Variants in KHDRBS2 observed in about 807,000 individuals in gnomAD.
KHDRBS2 encodes KH RNA binding domain containing, signal transduction associated 2.
KHDRBS2 carries 26 observed loss-of-function variants against 44.3 expected under a neutral mutation model. The ratio of observed to expected loss-of-function variants is 0.59; its 90% CI spans 0.43 to 0.81. KHDRBS2 has a LOEUF of 0.81. Among genes scored for constraint, KHDRBS2 ranks in the 40% least tolerant of loss-of-function variants. The pLI, the probability that KHDRBS2 is intolerant of heterozygous loss-of-function variation, is 0.00. For missense variants in KHDRBS2, 476 were observed against 433.1 expected, an observed-to-expected ratio of 1.10 and a Z score of -0.88; for synonymous variants, 194 against 151.1, an observed-to-expected ratio of 1.28 and a Z score of -2.08.
intron 2 of KHDRBS2, among the ~76,000 whole-genome samples, chr6:62,073,530 CTT>C (rs60124030): frequency 1.2e-4 from 15 of 124,410 alleles, no homozygotes; most frequent in African/African-American, 2.7e-4. Flanking sequence ...TTTCTTTTTT[CTT>C]TTTTTTTTTT....
intron 4 of KHDRBS2, among the ~76,000 whole-genome samples, chr6:61,945,107 A>T (rs1331947577): frequency 0.031 from 1,152 of 37,310 alleles, 86 homozygotes; most frequent in African/African-American, 0.069. Context: ...AAAAAAAAAA[A>T]AAAAAGTATA....
At chr6:62,266,796 T>C (rs1238998517) in intron 1 of KHDRBS2, among the ~76,000 whole-genome samples, 1 of 151,992 alleles carries the variant, frequency 6.6e-6, no homozygotes, top group Non-Finnish European at 1.5e-5. Context: ...GCATTTTTTC[T>C]CCTTATTTTT....
chr6:62,070,227 C>T (rs761559307), intron 2 of KHDRBS2, among the ~76,000 whole-genome samples: 5 of 151,292 alleles, frequency 3.3e-5, no homozygotes, highest in Admixed American at 6.6e-5. Context: ...AAGACTTACA[C>T]GTATATTAAT....
At chr6:61,943,004 A>AAG (rs60408267) in intron 4 of KHDRBS2, among the ~76,000 whole-genome samples, 6 of 142,996 alleles carry the variant, frequency 4.2e-5, no homozygotes, top group Middle Eastern at 3.6e-3. Flanking sequence ...GAAAGAAAGA[A>AAG]AGAGAGAGAG....
chr6:62,024,595 CTT>C (rs1562666303), intron 3 of KHDRBS2, among the ~76,000 whole-genome samples: 3 of 151,460 alleles, frequency 2.0e-5, no homozygotes, highest in Admixed American at 6.6e-5. Context: ...ATTTTATTGA[CTT>C]ATCAAACTTT....
At chr6:62,109,256 C>G (rs1562884136) in intron 2 of KHDRBS2, among the ~76,000 whole-genome samples, 1 of 151,958 alleles carries the variant, frequency 6.6e-6, no homozygotes, top group African/African-American at 2.4e-5. Flanking sequence ...CTGATCATCT[C>G]AAGATGCTGA....
chr6:61,777,821 T>TTTTATTTA (rs538627755), intron 6 of KHDRBS2, among the ~76,000 whole-genome samples: 1 of 152,042 alleles, frequency 6.6e-6, no homozygotes, highest in Non-Finnish European at 1.5e-5. Flanking sequence ...AAGATTAAGA[T>TTTTATTTA]TTTATTTATT....
At chr6:61,619,305 A>G in the KHDRBS2 span, among the ~76,000 whole-genome samples, 1 of 144,690 alleles carries the variant, frequency 6.9e-6, no homozygotes, top group Non-Finnish European at 1.5e-5. Context: ...ATCACTCTGT[A>G]TGCCTCCGTG....
At chr6:62,251,072 G>A (rs1563137208) in intron 1 of KHDRBS2, among the ~76,000 whole-genome samples, 3 of 151,882 alleles carry the variant, frequency 2.0e-5, no homozygotes, top group Non-Finnish European at 4.4e-5. Context: ...AGCTATGTAA[G>A]TGAATATCTC....
chr6:61,625,610 A>G, the KHDRBS2 span, among the ~76,000 whole-genome samples: 1 of 152,022 alleles, frequency 6.6e-6, no homozygotes, highest in African/African-American at 2.4e-5. Context: ...CTGAGAGCCC[A>G]TCTTTGCTTT....
chr6:62,028,306 T>A, intron 3 of KHDRBS2, among the ~76,000 whole-genome samples: 1 of 152,262 alleles, frequency 6.6e-6, no homozygotes, highest in Non-Finnish European at 1.5e-5. Context: ...ATAGATTTCA[T>A]AAAATATTGA....
intron 2 of KHDRBS2, 82 bp downstream of exon 2, chr6:62,177,103 T>C: frequency 1.2e-6 from 1 of 850,784 alleles, no homozygotes; most frequent in Non-Finnish European, 1.7e-6. Context: ...ATATTTATTT[T>C]ATAAAAGTGA....
intron 3 of KHDRBS2, among the ~76,000 whole-genome samples, chr6:62,014,251 G>T (rs1404218770): frequency 1.3e-5 from 2 of 152,002 alleles, no homozygotes; most frequent in African/African-American, 4.8e-5. Flanking sequence ...AAATGTCTTT[G>T]ATAAGAATCA....
intron 6 of KHDRBS2, among the ~76,000 whole-genome samples, chr6:61,807,208 C>T (rs1014903187): frequency 6.6e-6 from 1 of 151,998 alleles, no homozygotes; most frequent in Non-Finnish European, 1.5e-5. Flanking sequence ...AAAGGGAATG[C>T]TTATACACTG....
At chr6:62,197,207 A>C (rs566113916) in intron 1 of KHDRBS2, among the ~76,000 whole-genome samples, 99 of 152,194 alleles carry the variant, frequency 6.5e-4, no homozygotes, top group African/African-American at 2.3e-3. Context: ...ATATATAGTA[A>C]ATTTAACAGT....
intron 3 of KHDRBS2, among the ~76,000 whole-genome samples, chr6:62,012,689 G>A (rs1562641143): frequency 6.6e-6 from 1 of 151,980 alleles, no homozygotes; most frequent in Non-Finnish European, 1.5e-5. Flanking sequence ...ACCCTCACAT[G>A]GCTGGCTTTT....
At chr6:61,675,035 C>G (rs577131275), downstream of KHDRBS2, among the ~76,000 whole-genome samples, 1 of 151,632 alleles carries the variant, frequency 6.6e-6, no homozygotes, top group African/African-American at 2.4e-5. Context: ...TCTATTTATG[C>G]AAGAAATGTT....
chr6:61,629,828 A>T, the KHDRBS2 span, among the ~76,000 whole-genome samples: 3 of 152,218 alleles, frequency 2.0e-5, no homozygotes, highest in African/African-American at 7.2e-5. Context: ...CTTTTCTGCA[A>T]AGCTTTCTCT....
intron 6 of KHDRBS2, among the ~76,000 whole-genome samples, chr6:61,873,915 G>A (rs1188427331): frequency 1.3e-5 from 2 of 151,752 alleles, no homozygotes; most frequent in African/African-American, 2.4e-5. Context: ...GAATAATGGG[G>A]GATATGATTA....
Sources: gnomAD v4.1 joint callset for allele counts (sites outside exome capture counted in the v4.1 genomes callset) on GRCh38, gnomAD v4.1.1 for gene constraint, MANE v1.5 for transcripts, NCBI Gene and HGNC (gene_info 2026-07-23, HGNC 2026-07-21) for gene names.